MYO16: variants seen among roughly 807,000 people sequenced by gnomAD.
MYO16 encodes myosin XVI.
Under a neutral mutation model 205.3 loss-of-function variants are expected in MYO16, and 94 were observed. That is an observed-to-expected ratio of 0.46 (90% CI 0.39 to 0.54). The LOEUF is 0.54. MYO16 is among the 20% of genes least tolerant of loss of function. MYO16 has a pLI of 0.00. For synonymous variants in MYO16, 988 were observed against 954.0 expected, an observed-to-expected ratio of 1.04 and a Z score of -0.66; for missense variants, 2,315 against 2,387.5, an observed-to-expected ratio of 0.97 and a Z score of 0.63.
intron 1 of MYO16, among the ~76,000 whole-genome samples, chr13:108,639,140 T>C (rs1043437489): frequency 6.6e-6 from 1 of 152,162 alleles, no homozygotes; most frequent in African/African-American, 2.4e-5. Context: ...GCATTTTAGA[T>C]CTGTCATTCT....
intron 16 of MYO16, among the ~76,000 whole-genome samples, chr13:108,956,512 T>C (rs1206910874): frequency 2.0e-5 from 2 of 98,732 alleles, no homozygotes; most frequent in Non-Finnish European, 4.3e-5. Context: ...TTCCAAGACA[T>C]GACAAACTCT....
At chr13:108,952,723 A>C (rs183312510) in intron 16 of MYO16, among the ~76,000 whole-genome samples, 10 of 152,276 alleles carry the variant, frequency 6.6e-5, no homozygotes, top group South Asian at 2.1e-4. Context: ...ACTCTTCACA[A>C]ATGCTCTCTG....
intron 1 of MYO16, among the ~76,000 whole-genome samples, chr13:108,652,036 C>T (rs986506136): frequency 6.7e-6 from 1 of 150,082 alleles, no homozygotes; most frequent in Non-Finnish European, 1.5e-5. Flanking sequence ...TTTGTTTCAT[C>T]GTCATTGTAT....
At chr13:108,540,969 G>A in the MYO16 span, among the ~76,000 whole-genome samples, 5 of 152,108 alleles carry the variant, frequency 3.3e-5, no homozygotes, top group Non-Finnish European at 5.9e-5. Flanking sequence ...ATGCACATGC[G>A]AAGTGTTGAT....
the MYO16 span, among the ~76,000 whole-genome samples, chr13:108,577,098 T>G: frequency 2.0e-5 from 3 of 152,212 alleles, no homozygotes; most frequent in Non-Finnish European, 4.4e-5. Context: ...TTTCTAAAAT[T>G]CCCCACCATA....
chr13:108,806,492 T>C (rs1887116951), intron 6 of MYO16, among the ~76,000 whole-genome samples, 187 bp from the exon 7 acceptor site: 1 of 152,190 alleles, frequency 6.6e-6, no homozygotes, highest in Admixed American at 6.5e-5. Flanking sequence ...ATAAGCGTAC[T>C]TTCAAAGACT....
At position 108,957,395 on chromosome 13, in the gene MYO16, A is replaced by AAAC. The variant is rs750112593; in HGVS notation, c.1926-291_1926-290insCAA. Among the ~76,000 whole-genome samples the AAAC allele has an allele frequency of 1.1e-3, 171 of 151,230 alleles. 1 individual carries two copies. The highest frequency in any genetic ancestry group is 1.8e-3 in the Non-Finnish European group (119 of 67,826). On this transcript the variant is annotated intron_variant, in intron 16 of 34. Coordinates refer to ENST00000457511, the MANE Select transcript of MYO16 (RefSeq NM_001198950.3). ...TGAAACTCCATCTCAAAAAAAAAAA[A>AAAC]AAAAAACAAAAACATGAATCACTTG...
the MYO16 span, among the ~76,000 whole-genome samples, chr13:108,579,064 A>G: frequency 6.6e-6 from 1 of 152,126 alleles, no homozygotes; most frequent in Admixed American, 6.6e-5. Context: ...GGGGTTAATA[A>G]TATGATTTTT....
intron 4 of MYO16, among the ~76,000 whole-genome samples, chr13:108,759,686 G>T (rs551555523): frequency 0.098 from 14,796 of 150,354 alleles, 1,012 homozygotes; most frequent in Non-Finnish European, 0.15. Context: ...CCAGGCGTGG[G>T]GGCAGGCGCC....
chr13:108,578,632 TC>T, the MYO16 span, among the ~76,000 whole-genome samples: 3 of 152,144 alleles, frequency 2.0e-5, no homozygotes, highest in Non-Finnish European at 4.4e-5. Flanking sequence ...TGCCTCATCT[TC>T]CCCACTGGGA....
intron 16 of MYO16, among the ~76,000 whole-genome samples, chr13:108,916,944 T>G (rs1881519197): frequency 6.6e-6 from 1 of 152,166 alleles, no homozygotes. Flanking sequence ...CTCTAACACA[T>G]TTAAAGAAAA....
At chr13:108,698,842 T>A (rs1883188284) in intron 2 of MYO16, among the ~76,000 whole-genome samples, 1 of 152,178 alleles carries the variant, frequency 6.6e-6, no homozygotes, top group Non-Finnish European at 1.5e-5. Context: ...TAAGCAATAA[T>A]CATCCATAAT....
chr13:108,793,457 AC>A (rs1180899184), intron 5 of MYO16, 58 bp from the exon 6 acceptor site: 28 of 1,548,920 alleles, frequency 1.8e-5, no homozygotes, highest in Non-Finnish European at 2.1e-5. Context: ...CTAGGCTTTG[AC>A]CCCCAGGAAC....
chr13:109,174,317 A>C (rs1879065258), intron 33 of MYO16, among the ~76,000 whole-genome samples: 1 of 152,206 alleles, frequency 6.6e-6, no homozygotes, highest in Non-Finnish European at 1.5e-5. Flanking sequence ...AGTTTAGGCC[A>C]GGGTTCCAGG....
At chr13:109,165,514 A>G (rs574108525) in intron 33 of MYO16, among the ~76,000 whole-genome samples, 2 of 152,362 alleles carry the variant, frequency 1.3e-5, no homozygotes, top group African/African-American at 4.8e-5. Flanking sequence ...GCTGAGGATC[A>G]CGCAAGTATT....
intron 27 of MYO16, among the ~76,000 whole-genome samples, chr13:109,084,520 A>G (rs1458815985): frequency 6.6e-6 from 1 of 152,070 alleles, no homozygotes; most frequent in Non-Finnish European, 1.5e-5. Flanking sequence ...GCCATACATC[A>G]CTCGTGTATA....
intron 4 of MYO16, among the ~76,000 whole-genome samples, chr13:108,761,941 G>A (rs991967234): frequency 3.3e-5 from 5 of 152,146 alleles, no homozygotes; most frequent in African/African-American, 1.2e-4. Context: ...GTGGCTTTTA[G>A]GGTATCCATC....
Position 109,140,926 on chromosome 13 carries a change from G to C in MYO16, c.4714G>C (p.Gly1572Arg), listed in dbSNP as rs1450481348. ...PQYSKSQKGD[G>R]DRPASPGLAL... Reference sequence around the variant, plus strand: ...GTACTCCAAGAGCCAGAAGGGCGACGGCGACAGGCCCGCGTCCCCCGGCCT... The same window carrying C: ...GTACTCCAAGAGCCAGAAGGGCGACCGCGACAGGCCCGCGTCCCCCGGCCT... Residue 1572 changes from glycine to arginine, a missense_variant, in exon 32 of 35, where the codon GGC becomes CGC. Transcript: ENST00000457511. The surrounding 1 kb of genome is among the most constrained non-coding windows in gnomAD (Gnocchi z 8.0). The C allele has an allele frequency of 1.3e-6, 2 of 1,567,404 alleles. No individual in the cohort carries two copies. The highest frequency in any genetic ancestry group is 1.7e-6 in the Non-Finnish European group (2 of 1,159,560).
intron 3 of MYO16, among the ~76,000 whole-genome samples, chr13:108,713,336 A>G (rs186471827): frequency 2.5e-4 from 38 of 152,334 alleles, no homozygotes; most frequent in African/African-American, 9.1e-4. Flanking sequence ...TTTGAAAAAT[A>G]TAGAAATTAA....
Sources: gnomAD v4.1 joint callset for allele counts (sites outside exome capture counted in the v4.1 genomes callset) on GRCh38, gnomAD v4.1.1 for gene constraint, Gnocchi (gnomAD v3.1) non-coding constraint, MANE v1.5 for transcripts, NCBI Gene and HGNC (gene_info 2026-07-23, HGNC 2026-07-21) for gene names.